Variants in RGL1 observed in about 807,000 individuals in gnomAD.
RGL1 encodes the protein ral guanine nucleotide dissociation stimulator like 1, also known as ral guanine nucleotide dissociation stimulator-like 1.
A neutral mutation model predicts 95.2 loss-of-function variants in RGL1; 24 were observed. That is an observed-to-expected ratio of 0.25 (90% confidence interval 0.18 to 0.35). The LOEUF is 0.35. Among genes scored for constraint, RGL1 ranks in the 10% least tolerant of loss-of-function variants. RGL1 has a pLI of 1.00. For synonymous variants in RGL1, 329 were observed against 344.9 expected, an observed-to-expected ratio of 0.95 and a Z score of 0.51; for missense variants, 715 against 936.3, an observed-to-expected ratio of 0.76 and a Z score of 3.08.
rs570449878 is a variant in RGL1, at chr1:183,747,601, A to T, written c.132+5312A>T. Reference sequence around the variant, plus strand: ...CTTTGTAGGTTGCCTGTTCACTCTGATGATAGATTCTTTTGCTGTGCAGAA... The same window carrying T: ...CTTTGTAGGTTGCCTGTTCACTCTGTTGATAGATTCTTTTGCTGTGCAGAA... On this transcript the variant is annotated intron_variant, in intron 2 of 18. Coordinates refer to the RGL1 transcript ENST00000304685. Among the ~76,000 whole-genome samples, 3 of 152,246 alleles carry T rather than the reference A, an allele frequency of 2.0e-5. No homozygotes were observed. In the South Asian group the frequency reaches 6.2e-4, roughly 32 times the overall value.
intron 1 of RGL1, among the ~76,000 whole-genome samples, chr1:183,677,772 C>T (rs1051421970): frequency 2.6e-5 from 4 of 152,284 alleles, no homozygotes; most frequent in Admixed American, 6.5e-5. Flanking sequence ...AATGTCACAT[C>T]ACCATGAGTT....
Position 183,856,722 on chromosome 1 carries a change from A to G in RGL1, c.347+8948A>G, listed in dbSNP as rs111595491. On this transcript the variant is annotated intron_variant, in intron 3 of 17. Coordinates refer to ENST00000360851, the MANE Select transcript of RGL1 (RefSeq NM_001297671.3). ...TTGGACTTAGATCTTATTTCCTGCA[A>G]CTATGAGAAACATGACACTATTGGT... Among the ~76,000 whole-genome samples the G allele has an allele frequency of 8.9e-3, 1,345 of 151,840 alleles. 16 individuals are homozygous for G. The highest frequency in any genetic ancestry group is 0.031 in the African/African-American group (1,289 of 41,486).
At chr1:183,660,514 T>G (rs898168641) in intron 1 of RGL1, among the ~76,000 whole-genome samples, 1 of 151,526 alleles carries the variant, frequency 6.6e-6, no homozygotes, top group Non-Finnish European at 1.5e-5. Context: ...CTAACTATCC[T>G]AAATATATAT....
chr1:183,738,386 A>C (rs1409309101), intron 1 of RGL1, among the ~76,000 whole-genome samples: 2 of 152,088 alleles, frequency 1.3e-5, no homozygotes, highest in African/African-American at 4.8e-5. Context: ...ACGCCACTGC[A>C]TTCCAGCCTG....
At chr1:183,875,836 G>A (rs895831718) in intron 4 of RGL1, among the ~76,000 whole-genome samples, 6 of 137,054 alleles carry the variant, frequency 4.4e-5, no homozygotes, top group Non-Finnish European at 7.5e-5. Context: ...CCGAGATTGC[G>A]CCACTGCACT....
intron 1 of RGL1, among the ~76,000 whole-genome samples, chr1:183,715,274 T>TA (rs1655543352): frequency 6.6e-6 from 1 of 152,186 alleles, no homozygotes; most frequent in Non-Finnish European, 1.5e-5. Context: ...TTGTTTTTTT[T>TA]AGTGATGTTT....
chr1:183,742,311 C>T (rs372779103), intron 2 of RGL1: 59 of 1,613,532 alleles, frequency 3.7e-5, no homozygotes, highest in Non-Finnish European at 4.9e-5. Context: ...CTAAATGACA[C>T]AGTTGGTGAA....
rs1349972221 is a variant in RGL1 at position 183,844,466 on chromosome 1, C to G, written c.139-3100C>G. On this transcript the variant is annotated intron_variant, in intron 2 of 17. Transcript: ENST00000360851. ...CATCTGGAAATGCTGCATACCATACCCCTCTCTTGGAGTTGAATAACACCG... is the reference window on the plus strand; with the variant it reads ...CATCTGGAAATGCTGCATACCATACGCCTCTCTTGGAGTTGAATAACACCG... Among the ~76,000 whole-genome samples, 4 of 152,188 alleles carry G rather than the reference C, an allele frequency of 2.6e-5. No individual in the cohort carries two copies. In the East Asian group the frequency reaches 7.7e-4, roughly 29 times the overall value.
rs189126880 is a variant in RGL1 at position 183,843,891 on chromosome 1, A to G, written c.139-3675A>G. Among the ~76,000 whole-genome samples the G allele has an allele frequency of 2.6e-5, 4 of 152,254 alleles. No individual in the cohort carries two copies. The East Asian group carries it at 7.7e-4, about 29-fold the overall frequency. Reference sequence around the variant, plus strand: ...GCCCAGGCTGGAGTGCAGTGGCACAATCTCCAGCCCACTGCAACCTCCGCT... The same window carrying G: ...GCCCAGGCTGGAGTGCAGTGGCACAGTCTCCAGCCCACTGCAACCTCCGCT... On this transcript the variant is annotated intron_variant, in intron 2 of 17. Transcript: ENST00000360851.
At chr1:183,718,370 A>G (rs1272168919) in intron 1 of RGL1, among the ~76,000 whole-genome samples, 1 of 152,218 alleles carries the variant, frequency 6.6e-6, no homozygotes, top group East Asian at 1.9e-4. Context: ...TGTGATATTT[A>G]AACTATTTCA....
intron 2 of RGL1, among the ~76,000 whole-genome samples, chr1:183,756,145 A>G (rs1449031055): frequency 2.0e-5 from 3 of 151,382 alleles, no homozygotes; most frequent in African/African-American, 7.3e-5. Context: ...TCGGCCTCCC[A>G]AAGTGCTGGG....
At chr1:183,662,339 A>T (rs1473176107) in intron 1 of RGL1, among the ~76,000 whole-genome samples, 1 of 151,776 alleles carries the variant, frequency 6.6e-6, no homozygotes, top group Non-Finnish European at 1.5e-5. Flanking sequence ...AATCTCCTTA[A>T]GCTGATAAGC....
At chr1:183,772,784 T>C (rs906890108) in intron 2 of RGL1, among the ~76,000 whole-genome samples, 1 of 147,904 alleles carries the variant, frequency 6.8e-6, no homozygotes, top group Non-Finnish European at 1.5e-5. Context: ...CCGAGGCGGG[T>C]GGATCATGAG....
chr1:183,856,398 A>G (rs1362275860), intron 3 of RGL1, among the ~76,000 whole-genome samples: 1 of 151,918 alleles, frequency 6.6e-6, no homozygotes, highest in African/African-American at 2.4e-5. Context: ...AAAATTAATG[A>G]AGAGAATATG....
At chr1:183,739,649 T>C (rs1657163398) in intron 1 of RGL1, among the ~76,000 whole-genome samples, 1 of 152,192 alleles carries the variant, frequency 6.6e-6, no homozygotes, top group Admixed American at 6.5e-5. Flanking sequence ...TGAAAAAGAC[T>C]TCAAGTCTCA....
chr1:183,870,143 G>T (rs1350612650), intron 4 of RGL1, among the ~76,000 whole-genome samples: 4 of 152,228 alleles, frequency 2.6e-5, no homozygotes. Context: ...GTGCAGGCGG[G>T]CTGAGACCTA....
intron 1 of RGL1, among the ~76,000 whole-genome samples, chr1:183,657,878 A>G: frequency 6.6e-6 from 1 of 152,054 alleles, no homozygotes; most frequent in East Asian, 1.9e-4. Flanking sequence ...TGACTTCCAC[A>G]ATCGTTGAAC....
intron 2 of RGL1, among the ~76,000 whole-genome samples, chr1:183,799,925 T>G (rs1302480950): frequency 6.6e-6 from 1 of 152,200 alleles, no homozygotes; most frequent in Non-Finnish European, 1.5e-5. Flanking sequence ...AGGAGATACA[T>G]TTTTATTCAA....
intron 1 of RGL1, among the ~76,000 whole-genome samples, chr1:183,721,332 G>A (rs10494566): frequency 0.18 from 27,725 of 151,864 alleles, 3,564 homozygotes; most frequent in African/African-American, 0.36. Context: ...TGATCTATAC[G>A]TCTAACTCTT....
Sources: allele counts gnomAD v4.1 joint callset (sites outside exome capture counted in the v4.1 genomes callset), GRCh38; gene constraint gnomAD v4.1.1; transcripts MANE v1.5; gene names NCBI Gene and HGNC (gene_info 2026-07-23, HGNC 2026-07-21).